The following DIPK1A variants were observed in gnomAD, a reference collection of about 807,000 sequenced individuals.
The protein encoded by DIPK1A is divergent protein kinase domain 1A.
In DIPK1A, 27 loss-of-function variants were observed where a neutral mutation model predicts 40.8. That is an observed-to-expected ratio of 0.66 (90% CI 0.49 to 0.91). The LOEUF is 0.91. Ranked by LOEUF, DIPK1A falls within the 40% of genes least tolerant of loss-of-function variation. The pLI, the probability that DIPK1A is intolerant of heterozygous loss-of-function variation, is 0.00. For synonymous variants in DIPK1A, 166 were observed against 171.3 expected (o/e 0.97, Z 0.24); for missense variants, 412 against 505.7 (o/e 0.81, Z 1.78).
intron 1 of DIPK1A, among the ~76,000 whole-genome samples, chr1:92,936,306 T>C (rs1472714103): frequency 6.6e-6 from 1 of 152,168 alleles, no homozygotes; most frequent in African/African-American, 2.4e-5. Context: ...GTATAGTTTT[T>C]CTGAAGGGAA....
chr1:92,896,042 G>A (rs1382087430), intron 1 of DIPK1A, among the ~76,000 whole-genome samples: 1 of 152,120 alleles, frequency 6.6e-6, no homozygotes, highest in African/African-American at 2.4e-5. Flanking sequence ...ATGCTCATGG[G>A]TAGGAAGAAT....
intron 1 of DIPK1A, chr1:92,932,736 A>C (rs995991072): frequency 2.6e-5 from 4 of 152,228 alleles, no homozygotes; most frequent in African/African-American, 9.6e-5. Flanking sequence ...CCAACTACAT[A>C]ATATTCTAGA....
intron 2 of DIPK1A, among the ~76,000 whole-genome samples, chr1:92,874,668 T>C (rs1648031655): frequency 6.6e-6 from 1 of 152,232 alleles, no homozygotes; most frequent in South Asian, 2.1e-4. Flanking sequence ...TGTTTCCTCC[T>C]TCTTCACTGA....
chr1:92,904,309 A>G (rs1040539733), intron 1 of DIPK1A, among the ~76,000 whole-genome samples: 3 of 152,210 alleles, frequency 2.0e-5, no homozygotes, highest in African/African-American at 4.8e-5. Flanking sequence ...ACAAGTACCT[A>G]GAAAAATAAT....
chr1:92,919,562 T>G (rs1440048675), intron 1 of DIPK1A, among the ~76,000 whole-genome samples: 1 of 152,198 alleles, frequency 6.6e-6, no homozygotes, highest in African/African-American at 2.4e-5. Flanking sequence ...CCCTAAGAAT[T>G]CTATCATGCT....
At chr1:92,876,617 T>C (rs139094064) in intron 1 of DIPK1A, among the ~76,000 whole-genome samples, 187 bp from the exon 2 acceptor site, 55 of 152,278 alleles carry the variant, frequency 3.6e-4, no homozygotes, top group African/African-American at 1.3e-3. Flanking sequence ...AGGAAGCTCC[T>C]TGGTCCTGCC....
At chr1:92,927,104 G>A (rs1301433826) in intron 1 of DIPK1A, among the ~76,000 whole-genome samples, 2 of 151,928 alleles carry the variant, frequency 1.3e-5, no homozygotes, top group African/African-American at 4.8e-5. Context: ...TATTCTTATT[G>A]TCTTTTAAAA....
chr1:92,839,186 C>CT (rs1277601549), downstream of DIPK1A, among the ~76,000 whole-genome samples: 2 of 151,962 alleles, frequency 1.3e-5, no homozygotes, highest in African/African-American at 4.8e-5. Context: ...TGGTGAAACC[C>CT]TGTCTCTGCT....
intron 1 of DIPK1A, among the ~76,000 whole-genome samples, chr1:92,904,116 A>G (rs1649516759): frequency 6.6e-6 from 1 of 152,244 alleles, no homozygotes; most frequent in African/African-American, 2.4e-5. Flanking sequence ...AAACCAAAAC[A>G]AAACTTATAG....
chr1:92,947,769 C>A (rs978203509), intron 1 of DIPK1A, among the ~76,000 whole-genome samples: 2 of 152,086 alleles, frequency 1.3e-5, no homozygotes, highest in African/African-American at 4.8e-5. Flanking sequence ...GCCTGCAGGA[C>A]AGTATGTTAA....
intron 1 of DIPK1A, among the ~76,000 whole-genome samples, chr1:92,923,999 T>C (rs1378940852): frequency 6.6e-6 from 1 of 152,240 alleles, no homozygotes; most frequent in Non-Finnish European, 1.5e-5. Flanking sequence ...AAACAGAATT[T>C]AGGGACTCAA....
intron 1 of DIPK1A, among the ~76,000 whole-genome samples, chr1:92,894,750 C>A (rs901273403): frequency 6.6e-6 from 1 of 152,044 alleles, no homozygotes. Flanking sequence ...AATAGATAGA[C>A]CGCTAGCTTG....
intron 2 of DIPK1A, among the ~76,000 whole-genome samples, chr1:92,852,572 G>C (rs978066210): frequency 2.0e-5 from 3 of 152,060 alleles, no homozygotes; most frequent in African/African-American, 7.2e-5. Context: ...TGAATTTAAA[G>C]GACTTACTGA....
At chr1:92,883,703 T>C (rs1051853779) in intron 1 of DIPK1A, among the ~76,000 whole-genome samples, 4 of 152,190 alleles carry the variant, frequency 2.6e-5, no homozygotes, top group African/African-American at 4.8e-5. Context: ...CTGACTTTGC[T>C]CAGAGTGAGT....
At chr1:92,835,045 T>C (rs982319915) in intron 4 of DIPK1A, 34 of 1,281,314 alleles carry the variant, frequency 2.7e-5, no homozygotes, top group Non-Finnish European at 3.7e-5. Context: ...GTTTTCTGCT[T>C]TGTTAATGGA....
chr1:92,902,039 G>A (rs1478826704), intron 1 of DIPK1A, among the ~76,000 whole-genome samples: 1 of 152,116 alleles, frequency 6.6e-6, no homozygotes, highest in East Asian at 1.9e-4. Context: ...TTGGCTGGTG[G>A]GGGACGCGGG....
At chr1:92,836,216 G>A in intron 4 of DIPK1A, 2 of 1,612,826 alleles carry the variant, frequency 1.2e-6, no homozygotes, top group Non-Finnish European at 8.5e-7. Flanking sequence ...GCATGGACAA[G>A]ATCTATGAAG....
At chr1:92,932,459 T>A (rs982308361) in intron 1 of DIPK1A, 1 of 152,054 alleles carries the variant, frequency 6.6e-6, no homozygotes, top group African/African-American at 2.4e-5. Context: ...AAATTAAAAA[T>A]TTTAAAAATC....
chr1:92,875,132 T>A (rs1648058087), intron 2 of DIPK1A, among the ~76,000 whole-genome samples: 1 of 152,176 alleles, frequency 6.6e-6, no homozygotes, highest in Non-Finnish European at 1.5e-5. Flanking sequence ...GTTTTTATTT[T>A]CTTAGAACTT....
Sources: gnomAD v4.1 joint callset for allele counts (sites outside exome capture counted in the v4.1 genomes callset) on GRCh38, gnomAD v4.1.1 for gene constraint, MANE v1.5 for transcripts, NCBI Gene and HGNC (gene_info 2026-07-23, HGNC 2026-07-21) for gene names.